The following FBRS variants were observed in gnomAD, a reference collection of about 807,000 sequenced individuals.
FBRS encodes fibrosin, also known as probable fibrosin-1.
In FBRS, 15 loss-of-function variants were observed where a neutral mutation model predicts 86.1. The ratio of observed to expected loss-of-function variants is 0.17; its 90% CI spans 0.12 to 0.27. The LOEUF is 0.27. FBRS is among the 10% of genes least tolerant of loss of function. The pLI is 1.00. For missense variants in FBRS, 1,367 were observed against 1,301.6 expected (o/e 1.05, Z -0.77); for synonymous variants, 666 against 575.8 (o/e 1.16, Z -2.24).
At chr16:30,662,149 T>G in intron 4 of FBRS, 3 of 451,428 alleles carry the variant, frequency 6.6e-6, no homozygotes, top group Non-Finnish European at 1.2e-5. Flanking sequence ...CCTCTGACGT[T>G]TTGGTTTGGT....
chr16:30,667,263 A>G, intron 13 of FBRS, 57 bp from the exon 14 acceptor site: 1 of 1,356,752 alleles, frequency 7.4e-7, no homozygotes, highest in Non-Finnish European at 1.0e-6. Context: ...GTGAGAGAGC[A>G]AGAGGGGGAC....
At chr16:30,663,971 C>T (rs1391543480) in intron 6 of FBRS, among the ~76,000 whole-genome samples, 1 of 152,120 alleles carries the variant, frequency 6.6e-6, no homozygotes, top group Non-Finnish European at 1.5e-5. Flanking sequence ...AGTCATCTGG[C>T]CAGAGATGGC....
In FBRS at chr16:30,665,047, C is replaced by G. The variant is rs774452467; in HGVS notation, c.1576C>G (p.Pro526Ala). The change falls in exon 9 of 18, where the codon CCA (proline) becomes GCA (alanine). Residue 526 changes from proline to alanine, a missense_variant. Coordinates refer to ENST00000356166, the MANE Select transcript of FBRS (RefSeq NM_001105079.3). This position sits in a 1 kb window ranked among gnomAD's most constrained non-coding sequence, Gnocchi z 4.1. ...PHGPHMFEKY[P>A]GKMEGLFRHN... ...TTCTCTTCCCTAGTTTGAGAAATAT[C>G]CAGGAAAGATGGAAGGCCTTTTCCG... 29 of 1,613,672 alleles carry G rather than the reference C, an allele frequency of 1.8e-5. No homozygotes were observed. In the East Asian group the frequency reaches 6.5e-4, roughly 36 times the overall value.
Position 30,669,276 on chromosome 16 carries a change from G to C in FBRS, c.2574G>C (p.Leu858=), listed in dbSNP as rs1057086865. 1 of 1,569,334 alleles carries C rather than the reference G, an allele frequency of 6.4e-7. No homozygotes were observed. Among genetic ancestry groups the C allele is most frequent in the East Asian group, 2.4e-5 (1 of 41,812 alleles). The change falls in exon 18 of 18, where the codon CTG becomes CTC. Residue 858 remains leucine, a synonymous_variant. Transcript: ENST00000356166. The surrounding 1 kb of genome is among the most constrained non-coding windows in gnomAD (Gnocchi z 5.9). ...AATGPQGLHL[L]FERPRPPPFL... ...CTGGGCCCCAGGGCCTTCACCTGCTGTTTGAGAGGCCCCGGCCGCCCCCGT... is the reference window on the plus strand; with the variant it reads ...CTGGGCCCCAGGGCCTTCACCTGCTCTTTGAGAGGCCCCGGCCGCCCCCGT...
chr16:30,669,627 A>T lies in FBRS; in HGVS notation c.2925A>T (p.Pro975=), dbSNP rs754286168. 1 of 1,601,604 alleles carries T rather than the reference A, an allele frequency of 6.2e-7. No homozygotes were observed. The highest frequency in any genetic ancestry group is 1.3e-5 in the African/African-American group (1 of 74,692). ...RPSSPPRGPG[P]ARADR is the part of the protein sequence containing the mutation. ...GTTCCCCACCTAGGGGCCCTGGCCCAGCTCGGGCTGACAGGTGAGGGGAAC... is the reference window on the plus strand; with the variant it reads ...GTTCCCCACCTAGGGGCCCTGGCCCTGCTCGGGCTGACAGGTGAGGGGAAC... The change falls in exon 18 of 18, where the codon CCA becomes CCT. Residue 975 remains proline, a synonymous_variant. Coordinates refer to ENST00000356166, the MANE Select transcript of FBRS (RefSeq NM_001105079.3). The surrounding 1 kb of genome is among the most constrained non-coding windows in gnomAD (Gnocchi z 5.9).
At position 30,659,668 on chromosome 16, in the gene FBRS, C is replaced by T. The variant is rs1406845980; in HGVS notation, c.150C>T (p.Ala50=). The T allele has an allele frequency of 1.5e-6, 1 of 653,232 alleles. No individual in the cohort carries two copies. Among genetic ancestry groups the T allele is most frequent in the Non-Finnish European group, 2.5e-6 (1 of 406,318 alleles). The allele number at this position is 653,232 out of a possible 1,614,324, so 40.5% of individuals were successfully genotyped here. Residue 50 remains alanine, a synonymous_variant, in exon 1 of 18, where the codon GCC becomes GCT. Transcript: ENST00000356166. ...GGDAPRALLA[A]PRGSSSSSSP... ...ACGCGCCCCGGGCCCTGTTGGCCGCCCCGCGCGGCTCCTCGTCCTCGTCGT... is the reference window on the plus strand; with the variant it reads ...ACGCGCCCCGGGCCCTGTTGGCCGCTCCGCGCGGCTCCTCGTCCTCGTCGT...
rs2052557943 is a variant in FBRS at position 30,669,002 on chromosome 16, C to T, written c.2366+23C>T. On this transcript the variant is annotated intron_variant, in intron 17 of 17. Transcript: ENST00000356166. This position sits in a 1 kb window ranked among gnomAD's most constrained non-coding sequence, Gnocchi z 5.9. ...CAGGTGTGCCTCCCACCCACCCTGC[C>T]CCTGCCCCACCCTCAGCCCCTGCTG... The T allele has an allele frequency of 2.6e-6, 4 of 1,550,382 alleles. No homozygotes were observed. The highest frequency in any genetic ancestry group is 2.6e-6 in the Non-Finnish European group (3 of 1,146,986).
chr16:30,668,692 G>GC (rs2052551930), intron 16 of FBRS, 49 bp downstream of exon 16: 1 of 1,587,562 alleles, frequency 6.3e-7, no homozygotes, highest in African/African-American at 1.3e-5. Context: ...CAGGGTGAGA[G>GC]CTCAGACGGT....
chr16:30,664,266 C>T lies in FBRS; in HGVS notation c.1107C>T (p.Pro369=), dbSNP rs768067176. 12 of 1,488,220 alleles carry T rather than the reference C, an allele frequency of 8.1e-6. No homozygotes were observed. Among genetic ancestry groups the T allele is most frequent in the Middle Eastern group, 1.7e-4 (1 of 5,728 alleles). 92.2% of individuals were successfully genotyped at this position (1,488,220 alleles called of 1,614,324 possible). Residue 369 remains proline, a synonymous_variant, in exon 7 of 18, where the codon CCC becomes CCT. Transcript: ENST00000356166. Reference sequence around the variant, plus strand: ...CGGCCCCTCCCGTGGCTCAGCCTCCCCCCTCATCATCCTCTTCGTCCTCCT... The same window carrying T: ...CGGCCCCTCCCGTGGCTCAGCCTCCTCCCTCATCATCCTCTTCGTCCTCCT... The part of the protein sequence containing the change: ...KAPAPPVAQP[P]PSSSSSSSSS...
Position 30,669,633 on chromosome 16 carries a change from G to C in FBRS, c.2931G>C (p.Arg977=). 1 of 1,600,148 alleles carries C rather than the reference G, an allele frequency of 6.2e-7. No individual in the cohort carries two copies. The highest frequency in any genetic ancestry group is 8.5e-7 in the Non-Finnish European group (1 of 1,175,348). ...CACCTAGGGGCCCTGGCCCAGCTCG[G>C]GCTGACAGGTGAGGGGAACGGGGGG... ...SSPPRGPGPA[R]ADR Residue 977 remains arginine, a synonymous_variant, in exon 18 of 18, where the codon CGG becomes CGC. Coordinates refer to ENST00000356166, the MANE Select transcript of FBRS (RefSeq NM_001105079.3). This position sits in a 1 kb window ranked among gnomAD's most constrained non-coding sequence, Gnocchi z 5.9.
Position 30,669,540 on chromosome 16 carries a change from C to T in FBRS, c.2838C>T (p.Ser946=), listed in dbSNP as rs1336735812. ...AAAPGTPHLL[S]KTPPGALLGA... The stretch of plus-strand genomic sequence containing the variant: ...CCCCGGGAACCCCTCACCTTCTCAG[C>T]AAGACCCCACCGGGAGCCCTTTTGG... Residue 946 remains serine, a synonymous_variant, in exon 18 of 18, where the codon AGC becomes AGT. Coordinates refer to ENST00000356166, the MANE Select transcript of FBRS (RefSeq NM_001105079.3). The surrounding 1 kb of genome is among the most constrained non-coding windows in gnomAD (Gnocchi z 5.9). 5 of 1,612,844 alleles carry T rather than the reference C, an allele frequency of 3.1e-6. No individual in the cohort carries two copies. Among genetic ancestry groups the T allele is most frequent in the Non-Finnish European group, 4.2e-6 (5 of 1,179,822 alleles).
At position 30,664,112 on chromosome 16, in the gene FBRS, G is replaced by A. The variant is rs546975595; in HGVS notation, c.1056-103G>A. 1.6e-5 allele frequency: 20 copies of A among 1,255,632 alleles called. No homozygotes were observed. The South Asian group carries it at 3.7e-4, about 23-fold the overall frequency. 77.8% of individuals were successfully genotyped at this position (1,255,632 alleles called of 1,614,324 possible). On this transcript the variant is annotated intron_variant, in intron 6 of 17. Coordinates refer to ENST00000356166, the MANE Select transcript of FBRS (RefSeq NM_001105079.3). ...CTGGGGCTGGGTTCTGCCACCTCCC[G>A]TGTTGGAGAACCAGGGTCACGGTAT...
chr16:30,658,635 G>T lies in FBRS; in HGVS notation c.-884G>T, dbSNP rs577640541. 1 of 152,486 alleles carries T rather than the reference G, an allele frequency of 6.6e-6. No individual in the cohort carries two copies. Among genetic ancestry groups the T allele is most frequent in the Non-Finnish European group, 1.5e-5 (1 of 68,094 alleles). The allele number at this position is 152,486 out of a possible 1,614,324, so 9.4% of individuals were successfully genotyped here. ...GAAGAGACTTTTATGTCGGCGGACAGGGGAGCTGTACCCGTCACCGTTGCC... is the reference window on the plus strand; with the variant it reads ...GAAGAGACTTTTATGTCGGCGGACATGGGAGCTGTACCCGTCACCGTTGCC... On this transcript the variant is annotated 5_prime_UTR_variant, in exon 1 of 18. In the 5' UTR this introduces an upstream ATG that the reference lacks. Coordinates refer to ENST00000356166, the MANE Select transcript of FBRS (RefSeq NM_001105079.3).
In FBRS at chr16:30,665,149, T is replaced by C. The variant is rs923860728; in HGVS notation, c.1608+70T>C. 11 of 1,572,654 alleles carry C rather than the reference T, an allele frequency of 7.0e-6. No homozygotes were observed. In the Middle Eastern group the frequency reaches 5.0e-4, roughly 72 times the overall value. On this transcript the variant is annotated intron_variant, in intron 9 of 17. Coordinates refer to ENST00000356166, the MANE Select transcript of FBRS (RefSeq NM_001105079.3). This position sits in a 1 kb window ranked among gnomAD's most constrained non-coding sequence, Gnocchi z 4.1. ...GTGGATGCATCCATGCTTGTGACCCTGACTGCTGGGGTCCAGTCTTCAGCA... is the reference window on the plus strand; with the variant it reads ...GTGGATGCATCCATGCTTGTGACCCCGACTGCTGGGGTCCAGTCTTCAGCA...
intron 6 of FBRS, 123 bp from the exon 7 acceptor site, chr16:30,664,092 G>T: frequency 8.5e-7 from 1 of 1,178,004 alleles, no homozygotes; most frequent in Non-Finnish European, 1.1e-6. Context: ...CGGTCCTGGG[G>T]CTGGGTTCTG....
In FBRS at chr16:30,666,154, C is replaced by A. The variant is rs1336396364; in HGVS notation, c.1774-358C>A. 1.3e-5 allele frequency: 6 copies of A among 445,558 alleles called. No individual in the cohort carries two copies. The Admixed American group carries it at 2.0e-4, about 15-fold the overall frequency. The allele number at this position is 445,558 out of a possible 1,614,324, so 27.6% of individuals were successfully genotyped here. A position where few individuals can be genotyped will look rare whatever the true frequency, so the allele number is the denominator to read the frequency against. ...CAGTTTCCTACAGGGAAGACTAGGCCAGAGGTTTTCCAACTTCCTTCAAAG... is the reference window on the plus strand; with the variant it reads ...CAGTTTCCTACAGGGAAGACTAGGCAAGAGGTTTTCCAACTTCCTTCAAAG... On this transcript the variant is annotated intron_variant, in intron 11 of 17. Transcript: ENST00000356166.
Position 30,659,688 on chromosome 16 carries a change from C to T in FBRS, c.170C>T (p.Ser57Leu). The T allele has an allele frequency of 1.2e-6, 1 of 854,970 alleles. No individual in the cohort carries two copies. The highest frequency in any genetic ancestry group is 1.7e-6 in the Non-Finnish European group (1 of 573,566). The allele number at this position is 854,970 out of a possible 1,614,324, so 53.0% of individuals were successfully genotyped here. Residue 57 changes from serine to leucine, a missense_variant, in exon 1 of 18, where the codon TCG (serine) becomes TTG (leucine). Physicochemically the swap from Ser to Leu is moderately radical, Grantham distance 145. This residue lies in a region of FBRS where 702 missense variants were observed against 598.7 expected (regional missense o/e 1.17). Coordinates refer to ENST00000356166, the MANE Select transcript of FBRS (RefSeq NM_001105079.3). The part of the protein sequence containing the change: ...LLAAPRGSSS[S>L]SSPPPPARPW... ...GCCGCCCCGCGCGGCTCCTCGTCCT[C>T]GTCGTCGCCGCCGCCGCCCGCCAGG... is the stretch of plus-strand genomic sequence containing the variant.
Position 30,670,184 on chromosome 16 carries a change from A to T in FBRS, c.*539A>T, listed in dbSNP as rs1197335662. ...TCCCTTCCTGGTTAATTAAACCCTC[A>T]GACTGGTGCTGTGTTCCTAGCCTCT... On this transcript the variant is annotated 3_prime_UTR_variant, in exon 18 of 18. Transcript: ENST00000356166. 19 of 458,232 alleles carry T rather than the reference A, an allele frequency of 4.1e-5. No homozygotes were observed. The highest frequency in any genetic ancestry group is 7.9e-5 in the Non-Finnish European group (18 of 227,154). The allele number at this position is 458,232 out of a possible 1,614,324, so 28.4% of individuals were successfully genotyped here.
intron 6 of FBRS, 139 bp from the exon 7 acceptor site, chr16:30,664,076 G>A (rs542829115): frequency 1.9e-6 from 2 of 1,064,504 alleles, no homozygotes; most frequent in East Asian, 3.2e-5. Flanking sequence ...TTCCCTCGGT[G>A]GGGGGCGGTC....
Sources: allele counts gnomAD v4.1 joint callset (sites outside exome capture counted in the v4.1 genomes callset), GRCh38; gene constraint gnomAD v4.1.1; regional missense constraint gnomAD v4.1.1; non-coding constraint Gnocchi (gnomAD v3.1); transcripts MANE v1.5; gene names NCBI Gene and HGNC (gene_info 2026-07-23, HGNC 2026-07-21).